PRDM16: variants seen among roughly 807,000 people sequenced by gnomAD.
PRDM16 encodes the protein PR/SET domain 16.
A neutral mutation model predicts 110.6 loss-of-function variants in PRDM16; 23 were observed. The observed-to-expected ratio is 0.21, with a 90% CI of 0.15 to 0.29. The LOEUF (loss-of-function observed/expected upper bound fraction) is 0.29, where lower values mean the gene tolerates loss of function less well. Ranked by LOEUF, PRDM16 falls within the 10% of genes least tolerant of loss-of-function variation. The probability of loss-of-function intolerance (pLI) is 1.00; values close to 1 mark genes in which losing one functional copy is unlikely to be tolerated. For synonymous variants in PRDM16, 799 were observed against 781.8 expected, an observed-to-expected ratio of 1.02 and a Z score of -0.37; for missense variants, 1,615 against 1,794.3, an observed-to-expected ratio of 0.90 and a Z score of 1.81.
At chr1:3,384,729 A>G (rs1643166293) in intron 3 of PRDM16, among the ~76,000 whole-genome samples, 1 of 152,186 alleles carries the variant, frequency 6.6e-6, no homozygotes, top group South Asian at 2.1e-4. Flanking sequence ...ACCCAGCAAC[A>G]CCTTCACCTT....
intron 6 of PRDM16, among the ~76,000 whole-genome samples, chr1:3,403,532 C>T (rs1179059171): frequency 6.6e-6 from 1 of 152,242 alleles, no homozygotes; most frequent in Non-Finnish European, 1.5e-5. Context: ...AAGGCACCAG[C>T]CCTGCTCCCC....
intron 2 of PRDM16, among the ~76,000 whole-genome samples, chr1:3,241,302 G>A (rs1011074425): frequency 6.6e-6 from 1 of 152,360 alleles, no homozygotes; most frequent in Middle Eastern, 3.4e-3. Context: ...GGGGGGCTCT[G>A]CCTCTGTGCG....
intron 3 of PRDM16, among the ~76,000 whole-genome samples, chr1:3,253,041 C>T (rs949874733): frequency 2.0e-5 from 3 of 152,216 alleles, no homozygotes; most frequent in South Asian, 2.1e-4. Flanking sequence ...GCTGCTGCTG[C>T]GCTTGTCACC....
At chr1:3,228,958 G>T (rs1396329235) in intron 2 of PRDM16, among the ~76,000 whole-genome samples, 2 of 152,236 alleles carry the variant, frequency 1.3e-5, no homozygotes, top group South Asian at 2.1e-4. Flanking sequence ...AAATCACACT[G>T]CAGAACAGCT....
At chr1:3,288,229 A>G (rs531137240) in intron 3 of PRDM16, among the ~76,000 whole-genome samples, 3 of 152,306 alleles carry the variant, frequency 2.0e-5, no homozygotes, top group East Asian at 3.9e-4. Context: ...TCTGACCCTC[A>G]TGCCCCCAGG....
At chr1:3,079,394 C>A (rs1160074152) in intron 1 of PRDM16, among the ~76,000 whole-genome samples, 2 of 46,944 alleles carry the variant, frequency 4.3e-5, no homozygotes, top group Non-Finnish European at 1.4e-4. Context: ...CCTGTGTGTG[C>A]ACAGGGATCC....
At chr1:3,271,748 G>T (rs1640461528) in intron 3 of PRDM16, among the ~76,000 whole-genome samples, 1 of 152,134 alleles carries the variant, frequency 6.6e-6, no homozygotes, top group Non-Finnish European at 1.5e-5. Flanking sequence ...AGAGGCCAGA[G>T]ATGATCCTGG....
At chr1:3,164,087 G>A (rs1378470975) in intron 1 of PRDM16, among the ~76,000 whole-genome samples, 3 of 152,222 alleles carry the variant, frequency 2.0e-5, no homozygotes, top group South Asian at 2.1e-4. Context: ...CCACTGGCCC[G>A]CTGCGCCCTG....
At chr1:3,144,371 G>T (rs1170715171) in intron 1 of PRDM16, among the ~76,000 whole-genome samples, 1 of 152,222 alleles carries the variant, frequency 6.6e-6, no homozygotes, top group East Asian at 1.9e-4. Flanking sequence ...CAGCTGCCCT[G>T]TCTGCAGAGA....
At chr1:3,126,889 G>T (rs563578109) in intron 1 of PRDM16, among the ~76,000 whole-genome samples, 1 of 152,208 alleles carries the variant, frequency 6.6e-6, no homozygotes, top group African/African-American at 2.4e-5. Context: ...GCCCGGGCCC[G>T]CTGTCTGTTC....
chr1:3,269,423 CCCA>C (rs1640376446), intron 3 of PRDM16, among the ~76,000 whole-genome samples: 1 of 145,582 alleles, frequency 6.9e-6, no homozygotes, highest in Non-Finnish European at 1.5e-5. Flanking sequence ...GGAGGACAGT[CCCA>C]GAGGAGCACA....
At chr1:3,263,440 G>T (rs1049429511) in intron 3 of PRDM16, among the ~76,000 whole-genome samples, 2 of 152,330 alleles carry the variant, frequency 1.3e-5, no homozygotes, top group East Asian at 3.9e-4. Flanking sequence ...AACCCTGGGG[G>T]GCCTAACCCT....
chr1:3,146,382 G>A (rs996829913), intron 1 of PRDM16, among the ~76,000 whole-genome samples: 2 of 152,270 alleles, frequency 1.3e-5, no homozygotes, highest in Non-Finnish European at 1.5e-5. Context: ...TCATAAAAAT[G>A]ATCTGCTTAA....
intron 3 of PRDM16, among the ~76,000 whole-genome samples, chr1:3,262,363 G>A (rs1640181868): frequency 6.6e-6 from 1 of 152,244 alleles, no homozygotes; most frequent in African/African-American, 2.4e-5. Context: ...ACACTTGTGA[G>A]TCACCAGGAG....
At chr1:3,312,938 C>T (rs943437771) in intron 3 of PRDM16, among the ~76,000 whole-genome samples, 1 of 152,238 alleles carries the variant, frequency 6.6e-6, no homozygotes, top group African/African-American at 2.4e-5. Flanking sequence ...GTGCCTTGGG[C>T]GTGCGTCTTC....
chr1:3,310,858 AGTGT>A (rs774283970), intron 3 of PRDM16, among the ~76,000 whole-genome samples: 8 of 151,752 alleles, frequency 5.3e-5, no homozygotes, highest in Middle Eastern at 3.4e-3. Context: ...TGCACATATA[AGTGT>A]GTGTGCATGT....
Position 3,291,959 on chromosome 1 carries a change from C to T in PRDM16, c.438+47822C>T, listed in dbSNP as rs1311279346. Among the ~76,000 whole-genome samples, 13 of 152,356 alleles carry T rather than the reference C, an allele frequency of 8.5e-5. No homozygotes were observed. The South Asian group carries it at 2.1e-3, about 24-fold the overall frequency. ...CCCCCACACAGCAGGTGCCTTCTCC[C>T]GGGCTCCTTTGGGGCCTACCCGGTG... On this transcript the variant is annotated intron_variant, in intron 3 of 16. Coordinates refer to ENST00000270722, the MANE Select transcript of PRDM16 (RefSeq NM_022114.4).
chr1:3,123,095 A>T (rs1383924059), intron 1 of PRDM16, among the ~76,000 whole-genome samples: 2 of 152,222 alleles, frequency 1.3e-5, no homozygotes, highest in Admixed American at 6.5e-5. Context: ...CGAGGGCTGG[A>T]TGCGTGGTTG....
chr1:3,280,606 C>T (rs531283583), intron 3 of PRDM16, among the ~76,000 whole-genome samples: 8 of 152,332 alleles, frequency 5.3e-5, no homozygotes, highest in Non-Finnish European at 1.0e-4. Flanking sequence ...CTGGAAGAAC[C>T]CACCTCTCAC....
Sources: gnomAD v4.1 joint callset for allele counts (sites outside exome capture counted in the v4.1 genomes callset) on GRCh38, gnomAD v4.1.1 for gene constraint, MANE v1.5 for transcripts, NCBI Gene and HGNC (gene_info 2026-07-23, HGNC 2026-07-21) for gene names.